PTCHD1: variants seen among roughly 807,000 people sequenced by gnomAD.
PTCHD1 encodes patched domain-containing protein 1.
In PTCHD1, 3 loss-of-function variants were observed where a neutral mutation model predicts 34.6. The observed-to-expected ratio is 0.09, with a 90% confidence interval of 0.04 to 0.22. The LOEUF (loss-of-function observed/expected upper bound fraction) is 0.22. Among genes scored for constraint, PTCHD1 ranks in the 10% least tolerant of loss-of-function variants. PTCHD1 has a pLI of 1.00. For missense variants in PTCHD1, 504 were observed against 685.5 expected (o/e 0.74, Z 2.96); for synonymous variants, 305 against 283.1 (o/e 1.08, Z -0.77).
intron 1 of PTCHD1, among the ~76,000 whole-genome samples, chrX:23,338,270 TCAAA>T (rs1180479026): frequency 8.9e-6 from 1 of 112,251 alleles, no homozygotes; most frequent in African/African-American, 3.2e-5. Context: ...ATGCTGCTCT[TCAAA>T]CATCTTCCTT....
chrX:23,393,505 G>A lies in PTCHD1; in HGVS notation c.1987G>A (p.Asp663Asn), dbSNP rs753395256. 8.3e-7 allele frequency: 1 copy of A among 1,209,766 alleles called. No individual in the cohort carries two copies. The highest frequency in any genetic ancestry group is 1.1e-6 in the Non-Finnish European group (1 of 894,836). ...GGAAACAAACAGAGAAGAACTCTAT[G>A]ATCTCTTGGAAACCCTGAGGAGACT... is the stretch of plus-strand genomic sequence containing the variant. ...TMETNREELY[D>N]LLETLRRLSV... The change falls in exon 3 of 3, where the codon GAT becomes AAT. Residue 663 changes from aspartate (D) to asparagine (N), a missense_variant. Asp to Asn is a conservative substitution (Grantham distance 23). Coordinates refer to ENST00000379361, the MANE Select transcript of PTCHD1 (RefSeq NM_173495.3).
At chrX:23,339,082 T>C (rs776037171) in intron 1 of PTCHD1, among the ~76,000 whole-genome samples, 6 of 112,091 alleles carry the variant, frequency 5.4e-5, no homozygotes, top group Middle Eastern at 4.6e-3. Context: ...GACTGAACTT[T>C]AGTGCCTTAC....
chrX:23,369,617 A>G (rs953035230), intron 1 of PTCHD1, among the ~76,000 whole-genome samples: 1 of 111,748 alleles, frequency 8.9e-6, no homozygotes, highest in African/African-American at 3.3e-5. Context: ...AAATAAGATG[A>G]TAGATTGTAG....
upstream of PTCHD1, chrX:23,334,760 C>CGCCGTCGCCGCCGCCGCGGGCGCCGCT (rs1445877382): frequency 6.8e-6 from 1 of 146,286 alleles, no homozygotes; most frequent in African/African-American, 3.4e-5. Flanking sequence ...TCGCCGCCGC[C>CGCCGTCGCCGCCGCCGCGGGCGCCGCT]GCCGTCGCCG....
intron 1 of PTCHD1, among the ~76,000 whole-genome samples, chrX:23,373,846 A>G (rs1922334360): frequency 8.9e-6 from 1 of 112,320 alleles, no homozygotes. Flanking sequence ...GATTCAGTGA[A>G]GGGAACATTT....
intron 2 of PTCHD1, among the ~76,000 whole-genome samples, chrX:23,383,031 C>T (rs1569140846): frequency 8.9e-6 from 1 of 111,908 alleles, no homozygotes; most frequent in Non-Finnish European, 1.9e-5. Flanking sequence ...TCGTTTAATT[C>T]TGGGGTTTTT....
At chrX:23,337,160 G>A (rs1034971834) in intron 1 of PTCHD1, among the ~76,000 whole-genome samples, 2 of 112,100 alleles carry the variant, frequency 1.8e-5, no homozygotes, top group Non-Finnish European at 3.8e-5. Flanking sequence ...CTGGAGAGAC[G>A]GAGGCTTGGT....
chrX:23,338,577 TTAAATACAG>T (rs1921230524), intron 1 of PTCHD1, among the ~76,000 whole-genome samples: 1 of 112,152 alleles, frequency 8.9e-6, no homozygotes, highest in South Asian at 3.7e-4. Context: ...TACAGTATGT[TTAAATACAG>T]TAAATTGGGA....
At chrX:23,354,517 A>ATG (rs1921744826) in intron 1 of PTCHD1, among the ~76,000 whole-genome samples, 1 of 105,671 alleles carries the variant, frequency 9.5e-6, no homozygotes, top group Non-Finnish European at 1.9e-5. Flanking sequence ...ATATATATAT[A>ATG]TATAAAGAAA....
In PTCHD1 at chrX:23,334,867, T is replaced by C; in HGVS notation, c.-9T>C. The C allele has an allele frequency of 8.6e-7, 1 of 1,162,639 alleles. No individual in the cohort carries two copies. The highest frequency in any genetic ancestry group is 1.2e-6 in the Non-Finnish European group (1 of 868,053). ...CCTCGCCCTCCTCCCGCGCCCGCTC[T>C]GCTCTAGGATGCTGCGGCAGGTTCT... is the stretch of plus-strand genomic sequence containing the variant. On this transcript the variant is annotated 5_prime_UTR_variant, in exon 1 of 3. Coordinates refer to ENST00000379361, the MANE Select transcript of PTCHD1 (RefSeq NM_173495.3).
intron 1 of PTCHD1, among the ~76,000 whole-genome samples, chrX:23,361,226 T>A (rs141709936): frequency 0.039 from 4,400 of 111,477 alleles, 235 homozygotes; most frequent in African/African-American, 0.14. Flanking sequence ...TTCTCATTGA[T>A]CTGTCTAATA....
At chrX:23,335,573 C>T (rs1453567591) in intron 1 of PTCHD1, among the ~76,000 whole-genome samples, 2 of 112,952 alleles carry the variant, frequency 1.8e-5, no homozygotes, top group African/African-American at 6.4e-5. Context: ...CAGCAAGGAG[C>T]AGAACGAGAG....
intron 1 of PTCHD1, among the ~76,000 whole-genome samples, chrX:23,352,854 C>T (rs1921679054): frequency 8.9e-6 from 1 of 112,048 alleles, no homozygotes; most frequent in Non-Finnish European, 1.9e-5. Flanking sequence ...TCTCAGGCTT[C>T]ACCCAGACCT....
Position 23,379,863 on chromosome X carries a change from C to T in PTCHD1, c.624C>T (p.Ala208=). Residue 208 remains alanine (A), a synonymous_variant, in exon 2 of 3, where the codon GCC becomes GCT. Coordinates refer to ENST00000379361, the MANE Select transcript of PTCHD1 (RefSeq NM_173495.3). ...AAGACCGGGTGAAATCTGCAGAGGCCATCCAGCTCACCTACTACCTGCAGT... is the reference window on the plus strand; with the variant it reads ...AAGACCGGGTGAAATCTGCAGAGGCTATCCAGCTCACCTACTACCTGCAGT... The part of the protein sequence containing the change: ...HSKDRVKSAE[A]IQLTYYLQSI... The T allele has an allele frequency of 8.3e-7, 1 of 1,211,795 alleles. No individual in the cohort carries two copies. Among genetic ancestry groups the T allele is most frequent in the East Asian group, 3.0e-5 (1 of 33,851 alleles).
chrX:23,341,135 C>T (rs2146608419), intron 1 of PTCHD1, among the ~76,000 whole-genome samples: 1 of 112,130 alleles, frequency 8.9e-6, no homozygotes, highest in Non-Finnish European at 1.9e-5. Context: ...TTGAGACAAA[C>T]TTTGATTAAA....
chrX:23,365,391 A>G (rs952789102), intron 1 of PTCHD1, among the ~76,000 whole-genome samples: 2 of 111,469 alleles, frequency 1.8e-5, no homozygotes, highest in African/African-American at 6.5e-5. Flanking sequence ...TATGAGAATT[A>G]TTGGACATTT....
At chrX:23,353,614 A>C (rs377056523) in intron 1 of PTCHD1, among the ~76,000 whole-genome samples, 7,535 of 101,781 alleles carry the variant, frequency 0.074, 510 homozygotes, top group African/African-American at 0.27. Flanking sequence ...CAAAACAAAA[A>C]AAAAAAACGT....
chrX:23,392,074 C>CTTTTTTTTTTTTTTTTTTTTTTTTTTTTT (rs763041195), intron 2 of PTCHD1, among the ~76,000 whole-genome samples: 4 of 52,355 alleles, frequency 7.6e-5, no homozygotes, highest in African/African-American at 5.0e-4. Flanking sequence ...TTCTTTCTTT[C>CTTTTTTTTTTTTTTTTTTTTTTTTTTTTT]TTTTTTTTTT....
At chrX:23,381,589 G>A (rs904854914) in intron 2 of PTCHD1, among the ~76,000 whole-genome samples, 6 of 111,901 alleles carry the variant, frequency 5.4e-5, no homozygotes, top group African/African-American at 1.9e-4. Context: ...AGCGGGGCTG[G>A]TGGGGCTGCA....
Sources: gnomAD v4.1 joint callset for allele counts (sites outside exome capture counted in the v4.1 genomes callset) on GRCh38, gnomAD v4.1.1 for gene constraint, MANE v1.5 for transcripts, NCBI Gene and HGNC (gene_info 2026-07-23, HGNC 2026-07-21) for gene names.